AUH: variants seen among roughly 807,000 people sequenced by gnomAD.
AUH encodes the protein methylglutaconyl-CoA hydratase, mitochondrial.
A neutral mutation model predicts 42.3 loss-of-function variants in AUH; 29 were observed. That is an observed-to-expected ratio of 0.69 (90% CI 0.51 to 0.93). The LOEUF is 0.93. Among genes scored for constraint, AUH ranks in the 40% least tolerant of loss-of-function variants. The pLI is 0.00. For synonymous variants in AUH, 174 were observed against 166.4 expected (o/e 1.05, Z -0.35); for missense variants, 452 against 438.1 (o/e 1.03, Z -0.28).
At chr9:91,215,968 A>G in intron 9 of AUH, 91 bp downstream of exon 9, 1 of 1,363,890 alleles carries the variant, frequency 7.3e-7, no homozygotes, top group African/African-American at 1.4e-5. Context: ...CGCAAGGGTA[A>G]TCTTGCTCAG....
intron 6 of AUH, among the ~76,000 whole-genome samples, chr9:91,230,328 T>C (rs1185262940): frequency 2.6e-5 from 4 of 152,254 alleles, no homozygotes; most frequent in Non-Finnish European, 5.9e-5. Context: ...TGATACCTTT[T>C]CTTCCAGTTG....
chr9:91,308,612 T>C (rs1175160304), intron 4 of AUH, among the ~76,000 whole-genome samples: 2 of 152,074 alleles, frequency 1.3e-5, no homozygotes, highest in African/African-American at 4.8e-5. Context: ...ATTAGGAAAA[T>C]AAAAAGTAAA....
intron 3 of AUH, among the ~76,000 whole-genome samples, chr9:91,339,963 T>C (rs555572634): frequency 8.0e-4 from 122 of 152,190 alleles, no homozygotes; most frequent in African/African-American, 2.7e-3. Flanking sequence ...GGCAGATAAA[T>C]GGAAAGGTGG....
intron 6 of AUH, among the ~76,000 whole-genome samples, chr9:91,286,682 C>A (rs574583478): frequency 4.1e-4 from 61 of 148,964 alleles, no homozygotes; most frequent in Admixed American, 1.5e-3. Context: ...TAAGTTAAAT[C>A]TAGAATGAGC....
chr9:91,247,563 A>ATT (rs1225250151), intron 6 of AUH, among the ~76,000 whole-genome samples: 3 of 152,038 alleles, frequency 2.0e-5, no homozygotes, highest in Non-Finnish European at 2.9e-5. Flanking sequence ...AACAAATCCC[A>ATT]TTGTGTCCTC....
At position 91,361,711 on chromosome 9, in the gene AUH, C is replaced by A; in HGVS notation, c.179G>T (p.Gly60Val). 1 of 1,552,604 alleles carries A rather than the reference C, an allele frequency of 6.4e-7. No homozygotes were observed. Among genetic ancestry groups the A allele is most frequent in the Non-Finnish European group, 8.7e-7 (1 of 1,148,518 alleles). The change falls in exon 1 of 10, where the codon GGT becomes GTT. Residue 60 changes from glycine (G) to valine (V), a missense_variant. Gly to Val is a moderately radical substitution (Grantham distance 109). Transcript: ENST00000375731. ...GCTGTAGCCCCTTTTCGGGGCGGGACCCCCGGCCGCAGGTACCCAGCCCTG... is the reference window on the plus strand; with the variant it reads ...GCTGTAGCCCCTTTTCGGGGCGGGAACCCCGGCCGCAGGTACCCAGCCCTG... ...WAQGWVPAAG[G>V]PAPKRGYSSE...
At position 91,214,345 on chromosome 9, in the gene AUH, CT is replaced by C; in HGVS notation, c.*2del. On this transcript the variant is annotated 3_prime_UTR_variant, in exon 10 of 10. Coordinates refer to ENST00000375731, the MANE Select transcript of AUH (RefSeq NM_001698.3). Reference sequence around the variant, plus strand: ...ATTGGCATCTTAAGAATTTCTGTTCCTTTTATTCTCCTTTATAGCGAGGGGG... The same window carrying C: ...ATTGGCATCTTAAGAATTTCTGTTCCTTTATTCTCCTTTATAGCGAGGGGG... The C allele has an allele frequency of 6.2e-7, 1 of 1,603,516 alleles. No homozygotes were observed. Among genetic ancestry groups the C allele is most frequent in the Non-Finnish European group, 8.5e-7 (1 of 1,173,202 alleles).
intron 6 of AUH, among the ~76,000 whole-genome samples, chr9:91,246,652 T>C (rs16907297): frequency 0.11 from 15,987 of 152,192 alleles, 912 homozygotes; most frequent in African/African-American, 0.14. Context: ...CTAGAAGGAA[T>C]AAGGCTAAAG....
intron 6 of AUH, among the ~76,000 whole-genome samples, chr9:91,253,408 A>G (rs1057137434): frequency 1.3e-5 from 2 of 152,230 alleles, no homozygotes; most frequent in African/African-American, 4.8e-5. Flanking sequence ...TGTTAAATTT[A>G]TAAACACATC....
chr9:91,228,014 C>A (rs1303696694), intron 6 of AUH, among the ~76,000 whole-genome samples: 1 of 152,130 alleles, frequency 6.6e-6, no homozygotes, highest in Non-Finnish European at 1.5e-5. Context: ...CTAAAATTCT[C>A]TTTTTTGGTT....
intron 6 of AUH, among the ~76,000 whole-genome samples, chr9:91,244,587 A>G (rs1828695275): frequency 6.6e-6 from 1 of 152,136 alleles, no homozygotes; most frequent in Non-Finnish European, 1.5e-5. Context: ...ACATCTCCCA[A>G]CTAGCTTCCT....
intron 4 of AUH, among the ~76,000 whole-genome samples, chr9:91,314,410 G>A (rs1315346516): frequency 4.6e-5 from 7 of 150,868 alleles, no homozygotes; most frequent in African/African-American, 1.7e-4. Context: ...TTGAGCCCCG[G>A]AGGTCGAGGC....
intron 6 of AUH, among the ~76,000 whole-genome samples, chr9:91,228,027 G>A (rs946698987): frequency 6.6e-6 from 1 of 152,208 alleles, no homozygotes; most frequent in Non-Finnish European, 1.5e-5. Flanking sequence ...TTTTGGTTGT[G>A]TGTCTGCCCG....
chr9:91,321,650 G>T (rs1368505933), intron 4 of AUH, among the ~76,000 whole-genome samples: 1 of 152,066 alleles, frequency 6.6e-6, no homozygotes, highest in Non-Finnish European at 1.5e-5. Context: ...GGAGACAAAT[G>T]ACATTCAAAG....
intron 6 of AUH, among the ~76,000 whole-genome samples, chr9:91,292,564 A>C (rs7852888): frequency 0.22 from 32,655 of 151,550 alleles, 3,702 homozygotes; most frequent in East Asian, 0.34. Context: ...CAGGCATAAG[A>C]CACCGCACCC....
In AUH at chr9:91,349,679, G is replaced by GAC. The variant is rs35888854; in HGVS notation, c.418+6202_418+6203dup. Among the ~76,000 whole-genome samples the GAC allele has an allele frequency of 2.1e-3, 313 of 149,174 alleles. 2 individuals carry two copies. Among genetic ancestry groups the GAC allele is most frequent in the African/African-American group, 2.8e-3 (112 of 40,130 alleles). On this transcript the variant is annotated intron_variant, in intron 3 of 9. Transcript: ENST00000375731. The stretch of plus-strand genomic sequence containing the variant: ...TGTGTGTATGTAAGGCAGAGAGACA[G>GAC]ACACACACACACACACACACACACA...
chr9:91,318,515 C>A (rs192232380), intron 4 of AUH, among the ~76,000 whole-genome samples: 1 of 152,324 alleles, frequency 6.6e-6, no homozygotes, highest in East Asian at 1.9e-4. Context: ...TCACACCATG[C>A]TCACTTATCT....
At chr9:91,235,078 G>A (rs79996546) in intron 6 of AUH, among the ~76,000 whole-genome samples, 15 of 152,046 alleles carry the variant, frequency 9.9e-5, no homozygotes, top group East Asian at 9.6e-4. Context: ...TTGGGTAAGC[G>A]GAGTAGAAGT....
At chr9:91,226,171 T>C (rs1459194047) in intron 6 of AUH, among the ~76,000 whole-genome samples, 5 of 151,156 alleles carry the variant, frequency 3.3e-5, no homozygotes, top group African/African-American at 1.2e-4. Context: ...CCACCAACAG[T>C]GTAAAAGTGT....
Sources: gnomAD v4.1 joint callset for allele counts (sites outside exome capture counted in the v4.1 genomes callset) on GRCh38, gnomAD v4.1.1 for gene constraint, MANE v1.5 for transcripts, NCBI Gene and HGNC (gene_info 2026-07-23, HGNC 2026-07-21) for gene names.